Variants in SLCO3A1 observed in about 807,000 individuals in gnomAD.
The protein encoded by SLCO3A1 is PGE1 transporter.
A neutral mutation model predicts 63.1 loss-of-function variants in SLCO3A1; 27 were observed. That is an observed-to-expected ratio of 0.43 (90% confidence interval 0.32 to 0.59). The LOEUF (loss-of-function observed/expected upper bound fraction) is 0.59, where lower values mean the gene tolerates loss of function less well. Ranked by LOEUF, SLCO3A1 falls within the 20% of genes least tolerant of loss-of-function variation. The pLI is 0.09. For synonymous variants in SLCO3A1, 473 were observed against 409.9 expected, an observed-to-expected ratio of 1.15 and a Z score of -1.86; for missense variants, 773 against 945.8, an observed-to-expected ratio of 0.82 and a Z score of 2.40.
intron 1 of SLCO3A1, among the ~76,000 whole-genome samples, chr15:91,898,548 C>G (rs73549439): frequency 0.016 from 2,489 of 152,270 alleles, 69 homozygotes; most frequent in African/African-American, 0.057. Flanking sequence ...TTCCTCATTT[C>G]CAGTGGATCT....
chr15:92,077,110 C>T (rs1178269018), intron 2 of SLCO3A1, among the ~76,000 whole-genome samples: 1 of 152,104 alleles, frequency 6.6e-6, no homozygotes, highest in Non-Finnish European at 1.5e-5. Flanking sequence ...CATCAGAACT[C>T]GTGAGAACTC....
At chr15:91,923,204 A>G (rs74028371) in intron 2 of SLCO3A1, among the ~76,000 whole-genome samples, 2,041 of 152,204 alleles carry the variant, frequency 0.013, 47 homozygotes, top group African/African-American at 0.047. Flanking sequence ...CACGGTGGGG[A>G]TCAGTAAATG....
At chr15:91,992,858 GA>G (rs1271766136) in intron 2 of SLCO3A1, among the ~76,000 whole-genome samples, 3 of 152,156 alleles carry the variant, frequency 2.0e-5, no homozygotes, top group East Asian at 3.8e-4. Context: ...AACATTATTG[GA>G]AAGGTCATCC....
intron 2 of SLCO3A1, among the ~76,000 whole-genome samples, chr15:91,978,038 A>T (rs944157940): frequency 6.6e-6 from 1 of 152,170 alleles, no homozygotes; most frequent in Non-Finnish European, 1.5e-5. Flanking sequence ...TGATTATTGA[A>T]TCAGATAATT....
chr15:91,922,027 G>C (rs6496867), intron 2 of SLCO3A1, among the ~76,000 whole-genome samples: 1 of 151,972 alleles, frequency 6.6e-6, no homozygotes, highest in Admixed American at 6.5e-5. Flanking sequence ...GAGCCACTGC[G>C]CCCGGCCAAG....
chr15:92,095,346 G>C (rs909136818), intron 3 of SLCO3A1, among the ~76,000 whole-genome samples: 2 of 152,188 alleles, frequency 1.3e-5, no homozygotes, highest in African/African-American at 2.4e-5. Flanking sequence ...CATTGAGTGG[G>C]GGCCCATTAA....
intron 2 of SLCO3A1, among the ~76,000 whole-genome samples, chr15:92,089,232 T>C (rs1230394077): frequency 2.0e-5 from 3 of 152,084 alleles, no homozygotes; most frequent in African/African-American, 7.2e-5. Context: ...TTCACCGTGT[T>C]AGCCAGGATG....
rs1898532343 is a variant in SLCO3A1, at chr15:91,912,982, T to C, written c.181-3011T>C. Among the ~76,000 whole-genome samples, 3 of 152,344 alleles carry C rather than the reference T, an allele frequency of 2.0e-5. No homozygotes were observed. Among genetic ancestry groups the C allele is most frequent in the Admixed American group, 6.5e-5 (1 of 15,310 alleles). The stretch of plus-strand genomic sequence containing the variant: ...CTCTGGTAAATCATTTATTCCATCA[T>C]GTATGTATGTTTGTTTGTGTTGCGA... On this transcript the variant is annotated intron_variant, in intron 1 of 9. Transcript: ENST00000318445. This position sits in a 1 kb window ranked among gnomAD's most constrained non-coding sequence, Gnocchi z 5.0.
intron 2 of SLCO3A1, among the ~76,000 whole-genome samples, chr15:91,922,748 T>C (rs1003211465): frequency 6.6e-6 from 1 of 152,248 alleles, no homozygotes; most frequent in Non-Finnish European, 1.5e-5. Context: ...TTCATTGATA[T>C]TGAAGTTTCC....
intron 2 of SLCO3A1, among the ~76,000 whole-genome samples, chr15:91,986,672 T>A (rs1444024475): frequency 6.6e-6 from 1 of 151,932 alleles, no homozygotes; most frequent in Non-Finnish European, 1.5e-5. Flanking sequence ...GCTGCATTGG[T>A]TAACCTCCTG....
chr15:92,168,292 C>G (rs1030475105), downstream of SLCO3A1, among the ~76,000 whole-genome samples: 16 of 152,182 alleles, frequency 1.1e-4, no homozygotes, highest in East Asian at 5.8e-4. Context: ...TTTGGGGAAG[C>G]AGGGTGAGAA....
At chr15:92,016,230 TAG>T (rs2046427211) in intron 2 of SLCO3A1, among the ~76,000 whole-genome samples, 1 of 71,648 alleles carries the variant, frequency 1.4e-5, no homozygotes, top group Non-Finnish European at 2.4e-5. Context: ...GATAGATAGA[TAG>T]ATAGATAGAT....
intron 2 of SLCO3A1, among the ~76,000 whole-genome samples, chr15:91,921,331 G>A (rs1898836646): frequency 6.6e-6 from 1 of 152,096 alleles, no homozygotes; most frequent in African/African-American, 2.4e-5. Flanking sequence ...CTCTTTAAAG[G>A]ATCTATCTCC....
At chr15:92,048,065 C>T (rs966689837) in intron 2 of SLCO3A1, among the ~76,000 whole-genome samples, 1 of 152,092 alleles carries the variant, frequency 6.6e-6, no homozygotes, top group African/African-American at 2.4e-5. Flanking sequence ...TGGACTGCCA[C>T]CTTGTTAGCT....
At chr15:92,070,133 C>T (rs2047197571) in intron 2 of SLCO3A1, among the ~76,000 whole-genome samples, 1 of 152,124 alleles carries the variant, frequency 6.6e-6, no homozygotes, top group African/African-American at 2.4e-5. Flanking sequence ...ATATCCAGGG[C>T]CTTAAGAAAT....
intron 9 of SLCO3A1, among the ~76,000 whole-genome samples, chr15:92,157,799 C>A (rs1323008017): frequency 6.6e-6 from 1 of 152,170 alleles, no homozygotes; most frequent in Non-Finnish European, 1.5e-5. Context: ...TTGGAGCGCC[C>A]ACCCTGTGAG....
At chr15:92,159,311 C>T (rs1259015010) in intron 9 of SLCO3A1, among the ~76,000 whole-genome samples, 1 of 151,974 alleles carries the variant, frequency 6.6e-6, no homozygotes, top group Non-Finnish European at 1.5e-5. Flanking sequence ...ATAGTGAAAC[C>T]CCGTCTCTAC....
chr15:91,974,251 C>G (rs928021398), intron 2 of SLCO3A1, among the ~76,000 whole-genome samples: 4 of 87,220 alleles, frequency 4.6e-5, no homozygotes, highest in African/African-American at 1.6e-4. Context: ...TAAACGGACA[C>G]CATTTTCATT....
chr15:91,943,067 C>T (rs1024723044), intron 2 of SLCO3A1, among the ~76,000 whole-genome samples: 6 of 152,252 alleles, frequency 3.9e-5, no homozygotes, highest in African/African-American at 7.2e-5. Context: ...GGTCTAGTCT[C>T]ATTTCCATTT....
Sources: allele counts gnomAD v4.1 joint callset (sites outside exome capture counted in the v4.1 genomes callset), GRCh38; gene constraint gnomAD v4.1.1; non-coding constraint Gnocchi (gnomAD v3.1); transcripts MANE v1.5; gene names NCBI Gene and HGNC (gene_info 2026-07-23, HGNC 2026-07-21).